RANBP17: variants seen among roughly 807,000 people sequenced by gnomAD.
RANBP17 encodes RAN binding protein 17, also known as ran-binding protein 17.
RANBP17 carries 158 observed loss-of-function variants against 141.2 expected under a neutral mutation model. The observed-to-expected ratio is 1.12, with a 90% confidence interval of 0.98 to 1.28. RANBP17 has a LOEUF of 1.28. Among genes scored for constraint, RANBP17 ranks in the 50% most tolerant of loss-of-function variants. The pLI is 0.00. For synonymous variants in RANBP17, 430 were observed against 450.0 expected (o/e 0.96, Z 0.56); for missense variants, 1,438 against 1,290.7 (o/e 1.11, Z -1.75).
chr5:170,955,300 T>C (rs1775531037), intron 13 of RANBP17, among the ~76,000 whole-genome samples: 1 of 151,808 alleles, frequency 6.6e-6, no homozygotes, highest in Non-Finnish European at 1.5e-5. Context: ...ATTATTTCAA[T>C]TGGTATTTAT....
At position 171,232,938 on chromosome 5, in the gene RANBP17, C is replaced by T. The variant is rs73801180; in HGVS notation, c.2423-7990C>T. ...TCAGTCAATAACTTTGTACATTCAG[C>T]TTTGTGAGTTTCAGTCATTCATTCA... On this transcript the variant is annotated intron_variant, in intron 22 of 27. Transcript: ENST00000523189. 6.5e-3 allele frequency among the ~76,000 whole-genome samples: 985 copies of T among 152,254 alleles called. 12 individuals are homozygous for T. Among genetic ancestry groups the T allele is most frequent in the African/African-American group, 0.023 (935 of 41,528 alleles).
chr5:171,244,488 C>G (rs1243902717), intron 24 of RANBP17, among the ~76,000 whole-genome samples: 1 of 151,794 alleles, frequency 6.6e-6, no homozygotes, highest in Non-Finnish European at 1.5e-5. Flanking sequence ...ACTCTGTTGC[C>G]CAGGCTGGAG....
chr5:170,980,497 C>G (rs1777689733), intron 14 of RANBP17, among the ~76,000 whole-genome samples: 1 of 152,172 alleles, frequency 6.6e-6, no homozygotes, highest in African/African-American at 2.4e-5. Context: ...ATGCTGTGTG[C>G]AGCCTAGGAA....
At chr5:171,189,547 C>T (rs570297159) in intron 18 of RANBP17, among the ~76,000 whole-genome samples, 5 of 152,240 alleles carry the variant, frequency 3.3e-5, no homozygotes, top group African/African-American at 7.2e-5. Context: ...ACCAAGACAC[C>T]GTCATTGTGG....
chr5:170,866,318 C>G (rs1455505476), intron 1 of RANBP17, among the ~76,000 whole-genome samples: 1 of 144,076 alleles, frequency 6.9e-6, no homozygotes. Context: ...GAGGGGGAAG[C>G]AAAAGATAAC....
At chr5:170,968,033 G>C (rs2127528909) in intron 13 of RANBP17, among the ~76,000 whole-genome samples, 1 of 151,576 alleles carries the variant, frequency 6.6e-6, no homozygotes, top group Non-Finnish European at 1.5e-5. Context: ...GTATGTCTTA[G>C]GAAAAAAAGG....
At chr5:170,968,469 A>G (rs565902050) in intron 14 of RANBP17, 92 bp downstream of exon 14, 48 of 1,147,442 alleles carry the variant, frequency 4.2e-5, no homozygotes, top group South Asian at 4.2e-4. Flanking sequence ...AAATTTCTAC[A>G]TAAGACGTGT....
At chr5:171,116,732 A>G (rs1487460181) in intron 14 of RANBP17, among the ~76,000 whole-genome samples, 1 of 152,154 alleles carries the variant, frequency 6.6e-6, no homozygotes, top group Non-Finnish European at 1.5e-5. Flanking sequence ...TAGCCATTCT[A>G]CTATAGTTAG....
chr5:171,277,637 G>GTGTGTGTGTA (rs1437482589), intron 25 of RANBP17, among the ~76,000 whole-genome samples: 1 of 56,920 alleles, frequency 1.8e-5, no homozygotes, highest in African/African-American at 5.8e-5. Context: ...ATATATGTAT[G>GTGTGTGTGTA]TATATATATA....
intron 14 of RANBP17, among the ~76,000 whole-genome samples, chr5:171,005,643 A>G (rs1779544918): frequency 6.6e-6 from 1 of 152,226 alleles, no homozygotes; most frequent in African/African-American, 2.4e-5. Flanking sequence ...TAAAAACCCT[A>G]GAAGAAAACC....
At chr5:171,047,432 T>G (rs895571570) in intron 14 of RANBP17, among the ~76,000 whole-genome samples, 2 of 135,674 alleles carry the variant, frequency 1.5e-5, no homozygotes, top group Admixed American at 8.6e-5. Flanking sequence ...AACCCTTTTT[T>G]TTTTGTTTTG....
chr5:171,157,267 G>A (rs894643786), intron 14 of RANBP17, among the ~76,000 whole-genome samples: 2 of 152,146 alleles, frequency 1.3e-5, no homozygotes, highest in African/African-American at 2.4e-5. Flanking sequence ...AAAACAGAGG[G>A]TGATGTTTAA....
At position 170,968,814 on chromosome 5, in the gene RANBP17, T is replaced by C. The variant is rs575229594; in HGVS notation, c.1710+437T>C. 35 of 436,196 alleles carry C rather than the reference T, an allele frequency of 8.0e-5. No individual in the cohort carries two copies. In the East Asian group the frequency reaches 1.5e-3, roughly 19 times the overall value. 27.0% of individuals were successfully genotyped at this position (436,196 alleles called of 1,614,324 possible). On this transcript the variant is annotated intron_variant, in intron 14 of 27. Transcript: ENST00000523189. ...GGACTAGGAAAATTAGATGTGTCCT[T>C]AGGAGACTGCATATAACCTTAATGT...
intron 16 of RANBP17, among the ~76,000 whole-genome samples, chr5:171,171,665 G>C (rs1760111669): frequency 6.6e-6 from 1 of 151,878 alleles, no homozygotes; most frequent in Non-Finnish European, 1.5e-5. Context: ...AGGTCAAAAT[G>C]TTCTAAAAAT....
At chr5:171,204,056 G>A (rs1187410601) in intron 19 of RANBP17, among the ~76,000 whole-genome samples, 1 of 152,078 alleles carries the variant, frequency 6.6e-6, no homozygotes, top group Non-Finnish European at 1.5e-5. Context: ...AAGGCAAAAT[G>A]TTTAAAAACA....
At chr5:170,935,844 CT>C (rs1773826136) in intron 12 of RANBP17, among the ~76,000 whole-genome samples, 1 of 152,158 alleles carries the variant, frequency 6.6e-6, no homozygotes, top group African/African-American at 2.4e-5. Flanking sequence ...ACGTTTAAGT[CT>C]GCAGAAGTTT....
rs371357806 is a variant in RANBP17, at chr5:171,251,867, A to G, written c.2776+9047A>G. ...GCTTCCATCTGTACCATGAGTGCCA[A>G]TGCTTCGGCATTAGAGAAGGAGATT... On this transcript the variant is annotated intron_variant, in intron 24 of 27. Coordinates refer to ENST00000523189, the MANE Select transcript of RANBP17 (RefSeq NM_022897.5). The G allele has an allele frequency of 5.8e-5, 83 of 1,438,622 alleles. 1 individual carries two copies. Among genetic ancestry groups the G allele is most frequent in the East Asian group, 4.5e-4 (20 of 44,056 alleles). The allele number at this position is 1,438,622 out of a possible 1,614,324, so 89.1% of individuals were successfully genotyped here.
At chr5:170,910,194 A>G (rs1771420307) in intron 6 of RANBP17, 1 of 158,278 alleles carries the variant, frequency 6.3e-6, no homozygotes, top group African/African-American at 2.4e-5. Context: ...TTCTTTGGGA[A>G]ATAGTATTTC....
At chr5:170,980,186 A>G (rs1777661744) in intron 14 of RANBP17, among the ~76,000 whole-genome samples, 1 of 152,144 alleles carries the variant, frequency 6.6e-6, no homozygotes, top group Non-Finnish European at 1.5e-5. Context: ...CTAAGCAGCA[A>G]AACATTCAAG....
Sources: gnomAD v4.1 joint callset for allele counts (sites outside exome capture counted in the v4.1 genomes callset) on GRCh38, gnomAD v4.1.1 for gene constraint, MANE v1.5 for transcripts, NCBI Gene and HGNC (gene_info 2026-07-23, HGNC 2026-07-21) for gene names.